Variants in SH2D3C observed in about 807,000 individuals in gnomAD.
The protein encoded by SH2D3C is SH2 domain-containing protein 3C.
A neutral mutation model predicts 75.2 loss-of-function variants in SH2D3C; 25 were observed. The ratio of observed to expected loss-of-function variants is 0.33; its 90% CI spans 0.24 to 0.46. The LOEUF (loss-of-function observed/expected upper bound fraction) is 0.46, where lower values mean the gene tolerates loss of function less well. Ranked by LOEUF, SH2D3C falls within the 20% of genes least tolerant of loss-of-function variation. SH2D3C has a pLI of 1.00. For synonymous variants in SH2D3C, 450 were observed against 473.7 expected (o/e 0.95, Z 0.65); for missense variants, 933 against 1,165.3 (o/e 0.80, Z 2.90).
chr9:127,742,565 G>A (rs375153808), intron 8 of SH2D3C: 3 of 356,966 alleles, frequency 8.4e-6, no homozygotes, highest in East Asian at 1.0e-4. Context: ...AACGAACAAG[G>A]AGGAGCCCCA....
rs1384017366 is a variant in SH2D3C, at chr9:127,754,700, A to C, written c.556-3400T>G. 3.0e-5 allele frequency: 11 copies of C among 363,684 alleles called. 1 individual carries two copies. Among genetic ancestry groups the C allele is most frequent in the South Asian group, 1.9e-4 (10 of 51,864 alleles). 22.5% of individuals were successfully genotyped at this position (363,684 alleles called of 1,614,324 possible). A position where few individuals can be genotyped will look rare whatever the true frequency, so the allele number is the denominator to read the frequency against. On this transcript the variant is annotated intron_variant, in intron 3 of 11. Coordinates refer to ENST00000314830, the MANE Select transcript of SH2D3C (RefSeq NM_170600.3). This position sits in a 1 kb window ranked among gnomAD's most constrained non-coding sequence, Gnocchi z 4.4. ...GATCCCAGTCCGGCGCCCCCGGTAC[A>C]ATGGGGAGCCAGGGTGCCCAGGTCA...
rs1588501444 is a variant in SH2D3C, at chr9:127,749,696, G to A, written c.685-31C>T. The A allele has an allele frequency of 7.0e-7, 1 of 1,438,022 alleles. No individual in the cohort carries two copies. The highest frequency in any genetic ancestry group is 1.4e-5 in the African/African-American group (1 of 71,226). The allele number at this position is 1,438,022 out of a possible 1,614,324, so 89.1% of individuals were successfully genotyped here. On this transcript the variant is annotated intron_variant, in intron 4 of 11. Coordinates refer to ENST00000314830, the MANE Select transcript of SH2D3C (RefSeq NM_170600.3). This position sits in a 1 kb window ranked among gnomAD's most constrained non-coding sequence, Gnocchi z 5.9. ...GAAGGCATGGTTAGGCTGGAGTAGG[G>A]TGGGGCCAGGAGAGGGTCAGACCCA...
intron 2 of SH2D3C, chr9:127,771,244 C>T: frequency 6.5e-7 from 1 of 1,543,928 alleles, no homozygotes; most frequent in South Asian, 1.2e-5. Context: ...CCCCCGCTGT[C>T]GCCGCCGGCA....
intron 1 of SH2D3C, among the ~76,000 whole-genome samples, chr9:127,778,290 CAAA>C (rs112260508): frequency 4.3e-5 from 4 of 92,096 alleles, no homozygotes; most frequent in Non-Finnish European, 4.9e-5. Context: ...TGCACCTGGC[CAAA>C]AAAAAAAAAA....
At position 127,744,917 on chromosome 9, in the gene SH2D3C, A is replaced by T; in HGVS notation, c.1447T>A (p.Ser483Thr). 6.2e-7 allele frequency: 1 copy of T among 1,604,082 alleles called. No individual in the cohort carries two copies. The highest frequency in any genetic ancestry group is 8.5e-7 in the Non-Finnish European group (1 of 1,173,542). Residue 483 changes from serine (S) to threonine (T), a missense_variant, in exon 7 of 12, where the codon TCA becomes ACA. Coordinates refer to ENST00000314830, the MANE Select transcript of SH2D3C (RefSeq NM_170600.3). ...HTLGKASPSP[S>T]LSSYSDPDSG... is the part of the protein sequence containing the mutation. ...TCCGGGTCACTGTAGCTGCTGAGTG[A>T]TGGTGACGGGGAGGCCTTGCCAAGG... is the stretch of plus-strand genomic sequence containing the variant.
chr9:127,745,181 G>A, intron 6 of SH2D3C, 82 bp from the exon 7 acceptor site: 1 of 1,197,322 alleles, frequency 8.4e-7, no homozygotes, highest in Non-Finnish European at 1.1e-6. Flanking sequence ...CAAAGAACAG[G>A]CTCCCTCACT....
intron 2 of SH2D3C, chr9:127,762,240 G>GAGAGGCC (rs574542759): frequency 4.1e-6 from 5 of 1,211,880 alleles, no homozygotes; most frequent in Admixed American, 3.4e-5. Context: ...GGAGAGCCTG[G>GAGAGGCC]AGAGGCCAGA....
At chr9:127,757,638 TGATG>T (rs780782467) in intron 3 of SH2D3C, among the ~76,000 whole-genome samples, 1,646 of 118,192 alleles carry the variant, frequency 0.014, 19 homozygotes, top group South Asian at 0.035. Context: ...ATGATGATGA[TGATG>T]ATGATTATTA....
At position 127,739,402 on chromosome 9, in the gene SH2D3C, C is replaced by T. The variant is rs1378639069; in HGVS notation, c.2407+280G>A. Among the ~76,000 whole-genome samples, 8 of 151,756 alleles carry T rather than the reference C, an allele frequency of 5.3e-5. No homozygotes were observed. The highest frequency in any genetic ancestry group is 1.9e-4 in the African/African-American group (8 of 41,258). Reference sequence around the variant, plus strand: ...GCTCACGCCTGTAATTGCAGCTACTCGGGAGGCTGAGGCAGGAGAATCGCT... The same window carrying T: ...GCTCACGCCTGTAATTGCAGCTACTTGGGAGGCTGAGGCAGGAGAATCGCT... On this transcript the variant is annotated intron_variant, in intron 11 of 11. Transcript: ENST00000314830. The surrounding 1 kb of genome is among the most constrained non-coding windows in gnomAD (Gnocchi z 4.3).
intron 3 of SH2D3C, among the ~76,000 whole-genome samples, chr9:127,759,750 A>G (rs1214859404): frequency 6.6e-6 from 1 of 151,982 alleles, no homozygotes; most frequent in East Asian, 1.9e-4. Flanking sequence ...TTGGGAGGCC[A>G]AGGCAGGCGG....
At chr9:127,756,239 T>C (rs946647575) in intron 3 of SH2D3C, among the ~76,000 whole-genome samples, 17 of 152,086 alleles carry the variant, frequency 1.1e-4, no homozygotes, top group Non-Finnish European at 2.4e-4. Context: ...GAGGCGGAGG[T>C]TGCAGTGAGC....
rs767151940 is a variant in SH2D3C, at chr9:127,749,566, C to T, written c.784G>A (p.Ala262Thr). Residue 262 changes from alanine (A) to threonine (T), a missense_variant, in exon 5 of 12, where the codon GCC (alanine) becomes ACC (threonine). Transcript: ENST00000314830. The surrounding 1 kb of genome is among the most constrained non-coding windows in gnomAD (Gnocchi z 5.9). The stretch of plus-strand genomic sequence containing the variant: ...ACCTTGTTGATCTTGAAGTGCAAGG[C>T]CTGGTTGCGCCAGCGGCACGTGAGC... Reference protein sequence around the residue: ...YVLTCRWRNQALHFKINKVVV... With the variant: ...YVLTCRWRNQTLHFKINKVVV... 6.8e-6 allele frequency: 11 copies of T among 1,612,000 alleles called. No individual in the cohort carries two copies. The highest frequency in any genetic ancestry group is 5.3e-5 in the African/African-American group (4 of 74,878).
Position 127,739,880 on chromosome 9 carries a change from G to A in SH2D3C, c.2209C>T (p.Pro737Ser). The A allele has an allele frequency of 6.5e-7, 1 of 1,528,508 alleles. No homozygotes were observed. Among genetic ancestry groups the A allele is most frequent in the Non-Finnish European group, 8.8e-7 (1 of 1,131,272 alleles). 94.7% of individuals were successfully genotyped at this position (1,528,508 alleles called of 1,614,324 possible). The change falls in exon 11 of 12, where the codon CCG (proline) becomes TCG (serine). Residue 737 changes from proline to serine, a missense_variant. Pro to Ser is a moderately conservative substitution (Grantham distance 74, BLOSUM62 -1). Coordinates refer to ENST00000314830, the MANE Select transcript of SH2D3C (RefSeq NM_170600.3). This position sits in a 1 kb window ranked among gnomAD's most constrained non-coding sequence, Gnocchi z 4.3. ...TGAGGAAACGTGGTGTTGCTCAGCG[G>A]CGGGCCTTCTGCAAGGAGAAAGGCA... is the stretch of plus-strand genomic sequence containing the variant. ...KSLNEGKEGP[P>S]LSNTTFPHVL... is the part of the protein sequence containing the mutation.
rs1845728020 is a variant in SH2D3C at position 127,771,109 on chromosome 9, C to A, written c.515+2881G>T. ...ACCCCGCCCCCAAATTTGTCAGCTG[C>A]CCCAGGGGTGCAGATTTCCTCCTTC... On this transcript the variant is annotated intron_variant, in intron 2 of 11. Transcript: ENST00000314830. 2.5e-6 allele frequency: 3 copies of A among 1,191,472 alleles called. No individual in the cohort carries two copies. In the South Asian group the frequency reaches 4.8e-5, roughly 19 times the overall value. 73.8% of individuals were successfully genotyped at this position (1,191,472 alleles called of 1,614,324 possible). A position where few individuals can be genotyped will look rare whatever the true frequency, so the allele number is the denominator to read the frequency against.
rs1403638577 is a variant in SH2D3C at position 127,744,735 on chromosome 9, T to C, written c.1629A>G (p.Thr543=). The change falls in exon 7 of 12, where the codon ACA becomes ACG. Residue 543 remains threonine (T), a synonymous_variant. Coordinates refer to ENST00000314830, the MANE Select transcript of SH2D3C (RefSeq NM_170600.3). ...AAGAAGTGACTTCCACGATGGGGACTGTGAAGGTCTTGCCCCAGTCCCCTT... is the reference window on the plus strand; with the variant it reads ...AAGAAGTGACTTCCACGATGGGGACCGTGAAGGTCTTGCCCCAGTCCCCTT... ...APEGDWGKTF[T]VPIVEVTSSF... 4.3e-6 allele frequency: 7 copies of C among 1,614,132 alleles called. No homozygotes were observed. The highest frequency in any genetic ancestry group is 5.9e-6 in the Non-Finnish European group (7 of 1,180,058).
chr9:127,757,359 C>T (rs1845411225), intron 3 of SH2D3C, among the ~76,000 whole-genome samples: 1 of 150,436 alleles, frequency 6.6e-6, no homozygotes, highest in South Asian at 2.1e-4. Flanking sequence ...CAGCATTGAC[C>T]TCCTGGGCTC....
intron 2 of SH2D3C, among the ~76,000 whole-genome samples, chr9:127,762,963 G>A (rs1564422471): frequency 6.6e-6 from 1 of 152,160 alleles, no homozygotes; most frequent in African/African-American, 2.4e-5. Flanking sequence ...AACCCACAAG[G>A]CCCTGTGTGG....
At chr9:127,746,531 A>G (rs181273952) in intron 6 of SH2D3C, among the ~76,000 whole-genome samples, 203 of 152,376 alleles carry the variant, frequency 1.3e-3, no homozygotes, top group African/African-American at 4.7e-3. Flanking sequence ...GGCCAGGTGC[A>G]GTGGCTCATG....
rs201761445 is a variant in SH2D3C, at chr9:127,744,978, C to T, written c.1386G>A (p.Glu462=). 1.9e-6 allele frequency: 3 copies of T among 1,545,414 alleles called. No individual in the cohort carries two copies. The highest frequency in any genetic ancestry group is 2.6e-6 in the Non-Finnish European group (3 of 1,145,410). The change falls in exon 7 of 12, where the codon GAG becomes GAA. Residue 462 remains glutamate (E), a synonymous_variant. Transcript: ENST00000314830. ...GGCTGGTGTGGGGGCCCTTGTCTGACTCCCCATGGGTCTTTGGGGCACTTC... is the reference window on the plus strand; with the variant it reads ...GGCTGGTGTGGGGGCCCTTGTCTGATTCCCCATGGGTCTTTGGGGCACTTC... ...CPGSAPKTHG[E]SDKGPHTSPS...
Sources: allele counts gnomAD v4.1 joint callset (sites outside exome capture counted in the v4.1 genomes callset), GRCh38; gene constraint gnomAD v4.1.1; non-coding constraint Gnocchi (gnomAD v3.1); transcripts MANE v1.5; gene names NCBI Gene and HGNC (gene_info 2026-07-23, HGNC 2026-07-21).